The following BABAM2 variants were observed in gnomAD, a reference collection of about 807,000 sequenced individuals.
BABAM2 encodes BRISC and BRCA1 A complex member 2.
In BABAM2, 31 loss-of-function variants were observed where a neutral mutation model predicts 54.7. That is an observed-to-expected ratio of 0.57 (90% CI 0.43 to 0.77). BABAM2 has a LOEUF of 0.77. Ranked by LOEUF, BABAM2 falls within the 30% of genes least tolerant of loss-of-function variation. The pLI is 0.00. For synonymous variants in BABAM2, 167 were observed against 162.9 expected (o/e 1.03, Z -0.19); for missense variants, 364 against 455.8 (o/e 0.80, Z 1.83).
At chr2:28,001,158 C>G (rs1490189987) in intron 4 of BABAM2, among the ~76,000 whole-genome samples, 2 of 152,166 alleles carry the variant, frequency 1.3e-5, no homozygotes, top group African/African-American at 4.8e-5. Context: ...CCATCTGTAC[C>G]TATATTAAGG....
intron 4 of BABAM2, chr2:28,015,929 T>C: frequency 1.7e-6 from 1 of 589,868 alleles, no homozygotes. Flanking sequence ...GATAAAGGTT[T>C]ATCTTCAGAA....
At chr2:28,178,030 A>G (rs940520568) in intron 7 of BABAM2, among the ~76,000 whole-genome samples, 1 of 152,112 alleles carries the variant, frequency 6.6e-6, no homozygotes, top group Non-Finnish European at 1.5e-5. Context: ...GGAGAGATAG[A>G]CTCCAATACA....
chr2:28,147,335 T>C (rs962053259), intron 7 of BABAM2, among the ~76,000 whole-genome samples: 7 of 152,234 alleles, frequency 4.6e-5, no homozygotes, highest in Admixed American at 1.3e-4. Context: ...ATCTTTGTGA[T>C]AGAACTCTCA....
intron 7 of BABAM2, among the ~76,000 whole-genome samples, chr2:28,230,635 G>A (rs1681292392): frequency 6.6e-6 from 1 of 150,744 alleles, no homozygotes; most frequent in Admixed American, 6.6e-5. Flanking sequence ...GAGCTGGGAG[G>A]ATCACCTGAG....
At chr2:28,272,427 A>C (rs1685495697) in intron 10 of BABAM2, among the ~76,000 whole-genome samples, 1 of 152,218 alleles carries the variant, frequency 6.6e-6, no homozygotes, top group South Asian at 2.1e-4. Flanking sequence ...CCCACATAAC[A>C]AAAGGGACAG....
chr2:28,052,469 G>A (rs577137060), intron 6 of BABAM2, among the ~76,000 whole-genome samples: 4 of 152,026 alleles, frequency 2.6e-5, no homozygotes, highest in South Asian at 4.2e-4. Context: ...TGTATTTTTA[G>A]TAGAGATGGG....
At chr2:27,897,901 A>G (rs1425577901) in intron 2 of BABAM2, among the ~76,000 whole-genome samples, 2 of 152,206 alleles carry the variant, frequency 1.3e-5, no homozygotes, top group Non-Finnish European at 2.9e-5. Flanking sequence ...TCAGATCTCA[A>G]GAGGGTATTT....
intron 6 of BABAM2, among the ~76,000 whole-genome samples, chr2:28,112,838 G>A (rs190528063): frequency 3.3e-5 from 5 of 152,200 alleles, no homozygotes; most frequent in East Asian, 1.9e-4. Flanking sequence ...AAAAGTGTTC[G>A]TATTTCTCCA....
intron 3 of BABAM2, among the ~76,000 whole-genome samples, chr2:27,967,659 G>A (rs1325458057): frequency 5.3e-5 from 8 of 152,072 alleles, no homozygotes; most frequent in South Asian, 4.1e-4. Context: ...AATGTGGGAC[G>A]CTTTGGAACT....
At chr2:27,892,703 T>C (rs190530207) in intron 1 of BABAM2, among the ~76,000 whole-genome samples, 1 of 152,198 alleles carries the variant, frequency 6.6e-6, no homozygotes, top group African/African-American at 2.4e-5. Context: ...TGCAGTAATA[T>C]ATATGGACGC....
intron 7 of BABAM2, among the ~76,000 whole-genome samples, chr2:28,228,629 A>C (rs1482266691): frequency 6.6e-6 from 1 of 152,136 alleles, no homozygotes; most frequent in African/African-American, 2.4e-5. Context: ...AACAGCAGGT[A>C]GTAGGCCTGG....
chr2:28,154,754 G>T (rs551753124), intron 7 of BABAM2, among the ~76,000 whole-genome samples: 1 of 152,258 alleles, frequency 6.6e-6, no homozygotes, highest in Admixed American at 6.5e-5. Flanking sequence ...CACAGGACAA[G>T]ATACTTGAGA....
In BABAM2 at chr2:28,027,724, G is replaced by A. The variant is rs1352926812; in HGVS notation, c.495+2304G>A. Among the ~76,000 whole-genome samples the A allele has an allele frequency of 2.0e-5, 3 of 152,114 alleles. No individual in the cohort carries two copies. The East Asian group carries it at 5.8e-4, about 29-fold the overall frequency. ...CATTTACCAATTAATGGACACTTGG[G>A]TTGTTTCCACTTTTTGACTTTTATG... On this transcript the variant is annotated intron_variant, in intron 5 of 11. Transcript: ENST00000379624.
At chr2:28,336,167 C>A (rs1228378198) in intron 11 of BABAM2, among the ~76,000 whole-genome samples, 2 of 152,136 alleles carry the variant, frequency 1.3e-5, no homozygotes, top group African/African-American at 4.8e-5. Flanking sequence ...AGGGGAGAAG[C>A]AGCTTCTGCA....
intron 2 of BABAM2, among the ~76,000 whole-genome samples, chr2:27,927,325 C>T (rs780901334): frequency 1.4e-4 from 22 of 152,172 alleles, no homozygotes; most frequent in South Asian, 2.1e-4. Flanking sequence ...TCCTGTACTT[C>T]GAATAACTTC....
intron 6 of BABAM2, among the ~76,000 whole-genome samples, chr2:28,118,138 G>A (rs111700658): frequency 7.2e-4 from 110 of 152,280 alleles, no homozygotes; most frequent in Admixed American, 2.4e-3. Flanking sequence ...AATATGATTC[G>A]TAAAACAGTT....
chr2:28,111,816 A>T (rs867444883), intron 6 of BABAM2, among the ~76,000 whole-genome samples: 35 of 152,316 alleles, frequency 2.3e-4, no homozygotes, highest in Middle Eastern at 3.4e-3. Context: ...GCAAGGCTCT[A>T]AATGAAGTCA....
intron 6 of BABAM2, among the ~76,000 whole-genome samples, chr2:28,112,146 T>TTCC (rs1668114628): frequency 1.9e-4 from 2 of 10,556 alleles, no homozygotes; most frequent in Non-Finnish European, 2.9e-4. Flanking sequence ...TCTTTCTTTC[T>TTCC]TTACCTCCCT....
At chr2:28,282,903 G>A (rs1686486028) in intron 10 of BABAM2, among the ~76,000 whole-genome samples, 2 of 147,696 alleles carry the variant, frequency 1.4e-5, no homozygotes, top group Non-Finnish European at 3.0e-5. Flanking sequence ...GGAGGCTGAG[G>A]CAGGAGAATC....
Sources: allele counts gnomAD v4.1 joint callset (sites outside exome capture counted in the v4.1 genomes callset), GRCh38; gene constraint gnomAD v4.1.1; transcripts MANE v1.5; gene names NCBI Gene and HGNC (gene_info 2026-07-23, HGNC 2026-07-21).